The following POU2F2 variants were observed in gnomAD, a reference collection of about 807,000 sequenced individuals.
POU2F2 encodes the protein POU domain, class 2, transcription factor 2.
In POU2F2, 14 loss-of-function variants were observed where a neutral mutation model predicts 63.5. That is an observed-to-expected ratio of 0.22 (90% CI 0.15 to 0.34). The LOEUF (loss-of-function observed/expected upper bound fraction) is 0.34, where lower values mean the gene tolerates loss of function less well. Among genes scored for constraint, POU2F2 ranks in the 10% least tolerant of loss-of-function variants. The pLI is 1.00. For synonymous variants in POU2F2, 306 were observed against 348.6 expected (o/e 0.88, Z 1.36); for missense variants, 607 against 815.2 (o/e 0.74, Z 3.11).
intron 1 of POU2F2, among the ~76,000 whole-genome samples, chr19:42,168,843 C>T (rs2034701963): frequency 6.6e-6 from 1 of 152,192 alleles, no homozygotes; most frequent in Non-Finnish European, 1.5e-5. Context: ...GTCACTTCCT[C>T]AGAGATGTTA....
intron 1 of POU2F2, among the ~76,000 whole-genome samples, chr19:42,123,792 A>G (rs2032918733): frequency 6.6e-6 from 1 of 152,160 alleles, no homozygotes; most frequent in East Asian, 1.9e-4. Context: ...TCTGGGCTTC[A>G]GCCTGACCCA....
intron 1 of POU2F2, 99 bp from the exon 2 acceptor site, chr19:42,122,675 T>C (rs968932317): frequency 6.3e-6 from 7 of 1,113,486 alleles, no homozygotes; most frequent in African/African-American, 4.8e-5. Context: ...TTCCCCCAAA[T>C]TCCCCCCTTA....
rs895845406 is a variant in POU2F2, at chr19:42,181,322, A to G, written c.-70+15061T>C. 3.3e-5 allele frequency among the ~76,000 whole-genome samples: 5 copies of G among 152,340 alleles called. No homozygotes were observed. In the East Asian group the frequency reaches 7.7e-4, roughly 23 times the overall value. ...GTGCTCTCTCTGCTTCTGAAATAGC[A>G]TAATTCCAGAAGTACCAGATTCCTC... On this transcript the variant is annotated intron_variant, in intron 1 of 5. Transcript: ENST00000532176.
rs562778816 is a variant in POU2F2 at position 42,196,203 on chromosome 19, G to A, written c.-70+180C>T. 1.1e-4 allele frequency among the ~76,000 whole-genome samples: 16 copies of A among 152,216 alleles called. No individual in the cohort carries two copies. In the South Asian group the frequency reaches 3.1e-3, roughly 30 times the overall value. ...AGGTGCCCTCCAGAGCCAGCACCCA[G>A]GCCACAGTCCCCTCAAGGACCTGTG... On this transcript the variant is annotated intron_variant, in intron 1 of 5. Transcript: ENST00000532176.
chr19:42,163,733 C>A (rs747772947), intron 1 of POU2F2, among the ~76,000 whole-genome samples: 10 of 152,126 alleles, frequency 6.6e-5, no homozygotes, highest in Non-Finnish European at 1.3e-4. Context: ...CACATCCAAG[C>A]CTCAATGTCT....
upstream of POU2F2, among the ~76,000 whole-genome samples, chr19:42,196,913 G>GAA (rs2035155706): frequency 1.3e-5 from 2 of 152,248 alleles, no homozygotes; most frequent in Middle Eastern, 3.2e-3. Context: ...AGGGTTAAGG[G>GAA]GGAGGTGACC....
chr19:42,182,712 G>A (rs1043392447), intron 1 of POU2F2, among the ~76,000 whole-genome samples: 4 of 152,166 alleles, frequency 2.6e-5, no homozygotes, highest in Non-Finnish European at 4.4e-5. Context: ...CCTAGAAGGG[G>A]CCCAGAGACA....
chr19:42,153,953 G>A lies in POU2F2; in HGVS notation c.-9+6379C>T, dbSNP rs1158399606. The stretch of plus-strand genomic sequence containing the variant: ...TCCCTGCCAGAGACCCCAGACCCCT[G>A]CCAGGATGGGCCCAGGCCCCCGTCC... On this transcript the variant is annotated intron_variant, in intron 2 of 6. Coordinates refer to the POU2F2 transcript ENST00000524801. The surrounding 1 kb of genome is among the most constrained non-coding windows in gnomAD (Gnocchi z 5.6). Among the ~76,000 whole-genome samples, 1 of 151,998 alleles carries A rather than the reference G, an allele frequency of 6.6e-6. No individual in the cohort carries two copies. The highest frequency in any genetic ancestry group is 1.9e-4 in the East Asian group (1 of 5,174).
At chr19:42,163,321 C>T (rs901746810) in intron 1 of POU2F2, among the ~76,000 whole-genome samples, 1 of 151,896 alleles carries the variant, frequency 6.6e-6, no homozygotes, top group Admixed American at 6.6e-5. Flanking sequence ...GAGGAGGAGG[C>T]CCACGAGATG....
Position 42,171,295 on chromosome 19 carries a change from A to AGT in POU2F2, c.-70+4666_-70+4667dup, listed in dbSNP as rs370415541. Among the ~76,000 whole-genome samples, 5 of 151,622 alleles carry AGT rather than the reference A, an allele frequency of 3.3e-5. No individual in the cohort carries two copies. The East Asian group carries it at 9.6e-4, about 29-fold the overall frequency. On this transcript the variant is annotated intron_variant, in intron 1 of 6. Transcript: ENST00000524801. ...TATAGCTGTGCTTTAAGTCAAAATG[A>AGT]GTGTGTGTGTGTATGCGTGTGTGTC...
At chr19:42,170,656 C>T (rs905375457) in intron 1 of POU2F2, among the ~76,000 whole-genome samples, 4 of 152,160 alleles carry the variant, frequency 2.6e-5, no homozygotes, top group East Asian at 3.8e-4. Flanking sequence ...CAAAGTTCTA[C>T]GAAGGTAGGC....
intron 1 of POU2F2, among the ~76,000 whole-genome samples, chr19:42,122,855 G>A (rs1393344216): frequency 3.9e-5 from 6 of 152,210 alleles, no homozygotes; most frequent in Non-Finnish European, 7.3e-5. Context: ...GCAGCAAAGG[G>A]CAGGGCAGGA....
chr19:42,106,140 C>T (rs930474096), intron 5 of POU2F2, among the ~76,000 whole-genome samples: 1 of 151,482 alleles, frequency 6.6e-6, no homozygotes, highest in African/African-American at 2.4e-5. Context: ...CTCCCTCTGT[C>T]ACCCTGGCTG....
intron 1 of POU2F2, among the ~76,000 whole-genome samples, chr19:42,170,369 G>T (rs1366942374): frequency 6.7e-6 from 1 of 149,906 alleles, no homozygotes; most frequent in Non-Finnish European, 1.5e-5. Flanking sequence ...TACATGGAAG[G>T]CTCAGAGTGC....
At position 42,131,358 on chromosome 19, in the gene POU2F2, C is replaced by T. The variant is rs539834553; in HGVS notation, c.28+1026G>A. On this transcript the variant is annotated intron_variant, in intron 1 of 14. Coordinates refer to ENST00000692977, the MANE Select transcript of POU2F2 (RefSeq NM_001394376.1). ...TAGATACATGTTGGTGGAGGACACA[C>T]GGGTGCCCGCACACAATGGCGCATA... is the stretch of plus-strand genomic sequence containing the variant. 3.3e-4 allele frequency among the ~76,000 whole-genome samples: 50 copies of T among 152,244 alleles called. 2 individuals are homozygous for T. Among genetic ancestry groups the T allele is most frequent in the Non-Finnish European group, 5.9e-5 (4 of 68,016 alleles).
rs538914015 is a variant in POU2F2, at chr19:42,182,396, G to A, written c.-70+13987C>T. On this transcript the variant is annotated intron_variant, in intron 1 of 5. Transcript: ENST00000532176. ...ACAAGGACAGGAGGAGAATGGGTGT[G>A]AGAGAAAAGAGGAAGCTAGGAGGAG... Among the ~76,000 whole-genome samples, 367 of 152,112 alleles carry A rather than the reference G, an allele frequency of 2.4e-3. 1 individual carries two copies. Among genetic ancestry groups the A allele is most frequent in the African/African-American group, 8.6e-3 (355 of 41,492 alleles).
chr19:42,177,363 C>T (rs1349239309), upstream of POU2F2: 1 of 152,736 alleles, frequency 6.5e-6, no homozygotes. Context: ...CCATCCCCGG[C>T]TCCCACCTTG....
intron 1 of POU2F2, among the ~76,000 whole-genome samples, chr19:42,182,375 G>T (rs1885420622): frequency 6.6e-6 from 1 of 151,828 alleles, no homozygotes; most frequent in African/African-American, 2.4e-5. Context: ...AAGAGAACAA[G>T]GACAGGAGGA....
chr19:42,121,234 G>A (rs1456893046), intron 4 of POU2F2, among the ~76,000 whole-genome samples: 2 of 152,148 alleles, frequency 1.3e-5, no homozygotes, highest in African/African-American at 4.8e-5. Flanking sequence ...TCAAGATCGA[G>A]AGCCTGTCTC....
Sources: gnomAD v4.1 joint callset for allele counts (sites outside exome capture counted in the v4.1 genomes callset) on GRCh38, gnomAD v4.1.1 for gene constraint, Gnocchi (gnomAD v3.1) non-coding constraint, MANE v1.5 for transcripts, NCBI Gene and HGNC (gene_info 2026-07-23, HGNC 2026-07-21) for gene names.